The following EPHB2 variants were observed in gnomAD, a reference collection of about 807,000 sequenced individuals.
EPHB2 encodes ephrin type-B receptor 2.
A neutral mutation model predicts 96.4 loss-of-function variants in EPHB2; 18 were observed. The observed-to-expected ratio is 0.19, with a 90% CI of 0.13 to 0.28. The LOEUF (loss-of-function observed/expected upper bound fraction) is 0.28, where lower values mean the gene tolerates loss of function less well. Among genes scored for constraint, EPHB2 ranks in the 10% least tolerant of loss-of-function variants. EPHB2 has a pLI of 1.00. For missense variants in EPHB2, 989 were observed against 1,355.4 expected (o/e 0.73, Z 4.25); for synonymous variants, 506 against 534.1 (o/e 0.95, Z 0.72).
At chr1:22,821,466 G>T (rs61768198) in intron 3 of EPHB2, among the ~76,000 whole-genome samples, 4 of 152,130 alleles carry the variant, frequency 2.6e-5, no homozygotes, top group African/African-American at 4.8e-5. Context: ...CAGCTTTCTG[G>T]TATCCCAGAA....
At chr1:22,806,527 A>C (rs918684652) in intron 3 of EPHB2, among the ~76,000 whole-genome samples, 1 of 90,114 alleles carries the variant, frequency 1.1e-5, no homozygotes, top group African/African-American at 3.6e-5. Context: ...GGATGGATGG[A>C]TGGATGGGAA....
intron 3 of EPHB2, among the ~76,000 whole-genome samples, chr1:22,842,240 G>C (rs1176113338): frequency 6.6e-6 from 1 of 152,130 alleles, no homozygotes; most frequent in African/African-American, 2.4e-5. Flanking sequence ...TGGGCAGCCA[G>C]CTCACTGATT....
intron 5 of EPHB2, among the ~76,000 whole-genome samples, chr1:22,870,281 C>T (rs1638617980): frequency 6.6e-6 from 1 of 152,302 alleles, no homozygotes; most frequent in South Asian, 2.1e-4. Flanking sequence ...TCCAGAGCAC[C>T]TTTCTGCCTC....
intron 3 of EPHB2, among the ~76,000 whole-genome samples, chr1:22,848,696 T>G (rs1368834636): frequency 6.6e-6 from 1 of 152,156 alleles, no homozygotes; most frequent in East Asian, 1.9e-4. Flanking sequence ...ATTCCAGGCC[T>G]CCCAATCAAG....
chr1:22,913,574 T>C lies in EPHB2; in HGVS notation c.*4T>C. ...GATTCAGTCTGTGGAGGTTTGACATTCACCTGCCTCGGCTCACCTCTTCCT... is the reference window on the plus strand; with the variant it reads ...GATTCAGTCTGTGGAGGTTTGACATCCACCTGCCTCGGCTCACCTCTTCCT... On this transcript the variant is annotated 3_prime_UTR_variant, in exon 16 of 16. Coordinates refer to ENST00000374630, the MANE Select transcript of EPHB2 (RefSeq NM_017449.5). This position sits in a 1 kb window ranked among gnomAD's most constrained non-coding sequence, Gnocchi z 4.1. The C allele has an allele frequency of 6.2e-7, 1 of 1,613,964 alleles. No homozygotes were observed. The highest frequency in any genetic ancestry group is 8.5e-7 in the Non-Finnish European group (1 of 1,179,990).
chr1:22,835,503 G>A (rs908061573), intron 3 of EPHB2, among the ~76,000 whole-genome samples: 1 of 152,226 alleles, frequency 6.6e-6, no homozygotes, highest in African/African-American at 2.4e-5. Flanking sequence ...TATAAAGACT[G>A]GGTTGCACAT....
intron 3 of EPHB2, among the ~76,000 whole-genome samples, chr1:22,852,551 C>G (rs1465847960): frequency 6.6e-6 from 1 of 152,158 alleles, no homozygotes; most frequent in Non-Finnish European, 1.5e-5. Context: ...TGTGGGGAAG[C>G]TGGGATATCA....
At chr1:22,787,119 T>G (rs1644623460) in intron 3 of EPHB2, among the ~76,000 whole-genome samples, 1 of 152,172 alleles carries the variant, frequency 6.6e-6, no homozygotes, top group Non-Finnish European at 1.5e-5. Flanking sequence ...CTTCTGGAGC[T>G]CAGAGTCTAG....
At chr1:22,774,179 T>C (rs1030347971) in intron 1 of EPHB2, among the ~76,000 whole-genome samples, 4 of 152,124 alleles carry the variant, frequency 2.6e-5, no homozygotes, top group African/African-American at 7.2e-5. Context: ...AATTTCCTGC[T>C]CAAAGCTACT....
At chr1:22,889,003 A>T (rs1480716134) in intron 6 of EPHB2, among the ~76,000 whole-genome samples, 1 of 152,048 alleles carries the variant, frequency 6.6e-6, no homozygotes, top group Non-Finnish European at 1.5e-5. Flanking sequence ...AAAAATACAA[A>T]AATTAGCCGG....
chr1:22,758,323 G>A (rs929800555), intron 1 of EPHB2, among the ~76,000 whole-genome samples: 2 of 152,054 alleles, frequency 1.3e-5, no homozygotes, highest in Admixed American at 6.5e-5. Flanking sequence ...AAGGCATAGG[G>A]TCAGGAAGGG....
intron 1 of EPHB2, among the ~76,000 whole-genome samples, chr1:22,723,934 T>C (rs1643526327): frequency 6.6e-6 from 1 of 152,198 alleles, no homozygotes; most frequent in Admixed American, 6.5e-5. Flanking sequence ...GGCACTGGGC[T>C]TAGGTATTAT....
chr1:22,837,384 TG>T lies in EPHB2; in HGVS notation c.812-25649del, dbSNP rs531833360. Reference sequence around the variant, plus strand: ...TGTGCTGGCCAGCTGCTGTGCGGGGTGGGGAGGATGTGATGTTTACAGAGTC... The same window carrying T: ...TGTGCTGGCCAGCTGCTGTGCGGGGTGGGAGGATGTGATGTTTACAGAGTC... On this transcript the variant is annotated intron_variant, in intron 3 of 15. Transcript: ENST00000374630. Among the ~76,000 whole-genome samples, 4 of 151,430 alleles carry T rather than the reference TG, an allele frequency of 2.6e-5. No homozygotes were observed. In the South Asian group the frequency reaches 8.3e-4, roughly 32 times the overall value.
At chr1:22,725,129 A>C (rs1643553387) in intron 1 of EPHB2, among the ~76,000 whole-genome samples, 1 of 151,752 alleles carries the variant, frequency 6.6e-6, no homozygotes, top group Non-Finnish European at 1.5e-5. Context: ...TTTCTCCCCC[A>C]CCATACTGGG....
At chr1:22,843,863 A>C (rs754232642) in intron 3 of EPHB2, among the ~76,000 whole-genome samples, 2 of 152,266 alleles carry the variant, frequency 1.3e-5, no homozygotes, top group African/African-American at 2.4e-5. Flanking sequence ...CTTTGTGTCC[A>C]TGTGTATTCA....
At chr1:22,714,199 A>C (rs574137471) in intron 1 of EPHB2, among the ~76,000 whole-genome samples, 1 of 152,160 alleles carries the variant, frequency 6.6e-6, no homozygotes, top group Non-Finnish European at 1.5e-5. Context: ...ACGGGGTCCA[A>C]CGTACTTCCC....
At chr1:22,711,544 G>A (rs1468222138) in intron 1 of EPHB2, among the ~76,000 whole-genome samples, 1 of 151,566 alleles carries the variant, frequency 6.6e-6, no homozygotes, top group Non-Finnish European at 1.5e-5. Flanking sequence ...GATGGGGCCC[G>A]GCGCCCCGGA....
At chr1:22,850,730 G>A (rs1052056293) in intron 3 of EPHB2, among the ~76,000 whole-genome samples, 4 of 152,214 alleles carry the variant, frequency 2.6e-5, no homozygotes, top group Admixed American at 6.5e-5. Context: ...GGTGAGGGAT[G>A]TGGCATGAAC....
At chr1:22,789,128 A>T (rs1644655781) in intron 3 of EPHB2, among the ~76,000 whole-genome samples, 1 of 152,152 alleles carries the variant, frequency 6.6e-6, no homozygotes, top group African/African-American at 2.4e-5. Flanking sequence ...CGATGTGATA[A>T]CACATGTTTG....
Sources: allele counts gnomAD v4.1 joint callset (sites outside exome capture counted in the v4.1 genomes callset), GRCh38; gene constraint gnomAD v4.1.1; non-coding constraint Gnocchi (gnomAD v3.1); transcripts MANE v1.5; gene names NCBI Gene and HGNC (gene_info 2026-07-23, HGNC 2026-07-21).